The following MRTFB variants were observed in gnomAD, a reference collection of about 807,000 sequenced individuals.
MRTFB encodes the protein myocardin-related transcription factor B.
A neutral mutation model predicts 104.2 loss-of-function variants in MRTFB; 29 were observed. The observed-to-expected ratio is 0.28, with a 90% CI of 0.21 to 0.38. The LOEUF (loss-of-function observed/expected upper bound fraction) is 0.38. Ranked by LOEUF, MRTFB falls within the 10% of genes least tolerant of loss-of-function variation. MRTFB has a pLI of 1.00. For missense variants in MRTFB, 1,270 were observed against 1,341.6 expected, an observed-to-expected ratio of 0.95 and a Z score of 0.83; for synonymous variants, 535 against 519.5, an observed-to-expected ratio of 1.03 and a Z score of -0.41.
chr16:14,033,251 A>T, the MRTFB span, among the ~76,000 whole-genome samples: 2 of 151,426 alleles, frequency 1.3e-5, no homozygotes, highest in Non-Finnish European at 2.9e-5. Context: ...ATTTAAAATT[A>T]AAAAAAAACA....
the MRTFB span, among the ~76,000 whole-genome samples, chr16:14,029,316 G>T: frequency 6.7e-6 from 1 of 149,136 alleles, no homozygotes; most frequent in Non-Finnish European, 1.5e-5. Flanking sequence ...TTAAAAATAT[G>T]TAAATATTGA....
chr16:14,112,520 TA>T (rs765867438), intron 2 of MRTFB, among the ~76,000 whole-genome samples: 3 of 152,220 alleles, frequency 2.0e-5, no homozygotes, highest in Non-Finnish European at 4.4e-5. Context: ...CACCACCACT[TA>T]AAAGGGCTGC....
intron 3 of MRTFB, chr16:14,200,100 C>T: frequency 1.7e-6 from 1 of 576,134 alleles, no homozygotes; most frequent in East Asian, 3.1e-5. Flanking sequence ...GTGACCTTAT[C>T]AAAGTTTTAA....
intron 3 of MRTFB, among the ~76,000 whole-genome samples, chr16:14,189,787 C>G (rs965425115): frequency 2.0e-5 from 3 of 152,120 alleles, no homozygotes; most frequent in Non-Finnish European, 2.9e-5. Flanking sequence ...ATGTCTGATA[C>G]GTGTCCACTC....
At position 14,212,363 on chromosome 16, in the gene MRTFB, G is replaced by C. The variant is rs1476449121; in HGVS notation, c.230G>C (p.Ser77Thr). The change falls in exon 5 of 17, where the codon AGC (serine) becomes ACC (threonine). Residue 77 changes from serine to threonine, a missense_variant. Coordinates refer to ENST00000571589, the MANE Select transcript of MRTFB (RefSeq NM_001308142.2). ...ATTTCTTTTCTCACAGCTTTGAAGA[G>C]CCCAGCGGCATTCCATGAACAGATA... ...VDQGIMPPLK[S>T]PAAFHEQIKS... 6.2e-7 allele frequency: 1 copy of C among 1,613,772 alleles called. No individual in the cohort carries two copies. Among genetic ancestry groups the C allele is most frequent in the African/African-American group, 1.3e-5 (1 of 74,882 alleles).
At chr16:14,066,648 G>A (rs1272548363), upstream of MRTFB, among the ~76,000 whole-genome samples, 1 of 150,186 alleles carries the variant, frequency 6.7e-6, no homozygotes, top group Middle Eastern at 3.4e-3. Flanking sequence ...AAACCTTTAG[G>A]GGTGTGCATA....
intron 2 of MRTFB, among the ~76,000 whole-genome samples, chr16:14,100,990 C>T (rs559087451): frequency 6.6e-6 from 1 of 152,094 alleles, no homozygotes; most frequent in South Asian, 2.1e-4. Flanking sequence ...TTTTATTTAC[C>T]TTCTCAAAGA....
intron 3 of MRTFB, chr16:14,143,140 A>G (rs1235103537): frequency 1.4e-5 from 2 of 147,124 alleles, no homozygotes; most frequent in African/African-American, 2.5e-5. Context: ...TAACATGTGC[A>G]TGATTTGGCA....
chr16:14,017,572 A>T, the MRTFB span, among the ~76,000 whole-genome samples: 37,523 of 110,118 alleles, frequency 0.34, 7,877 homozygotes, highest in Admixed American at 0.44. Context: ...CTTGCAACGA[A>T]AAGAGAACTG....
the MRTFB span, among the ~76,000 whole-genome samples, chr16:14,052,245 A>G: frequency 6.6e-6 from 1 of 152,196 alleles, no homozygotes; most frequent in South Asian, 2.1e-4. Flanking sequence ...GGTGGTATAG[A>G]CAAGGATTGA....
chr16:14,097,730 T>C (rs1156935889), intron 2 of MRTFB, among the ~76,000 whole-genome samples: 1 of 152,214 alleles, frequency 6.6e-6, no homozygotes, highest in Non-Finnish European at 1.5e-5. Flanking sequence ...TAATCCTTCC[T>C]GCATGCTCCT....
intron 8 of MRTFB, 133 bp from the exon 9 acceptor site, chr16:14,234,013 A>G: frequency 1.8e-6 from 2 of 1,088,690 alleles, no homozygotes; most frequent in South Asian, 3.1e-5. Flanking sequence ...CTGGCCTCAG[A>G]CATAATCATA....
At chr16:14,162,488 T>G (rs2039079518) in intron 3 of MRTFB, among the ~76,000 whole-genome samples, 1 of 152,208 alleles carries the variant, frequency 6.6e-6, no homozygotes, top group Non-Finnish European at 1.5e-5. Context: ...ACCCAAATGC[T>G]CATCTGCAGT....
In MRTFB at chr16:14,240,464, C is replaced by A. The variant is rs764702004; in HGVS notation, c.1059C>A (p.Thr353=). ...AGAAGCAGCACTACAACTACCAGACCATCCTGCCTGCACCATTCAAGTACG... is the reference window on the plus strand; with the variant it reads ...AGAAGCAGCACTACAACTACCAGACAATCCTGCCTGCACCATTCAAGTACG... The part of the protein sequence containing the change: ...SQQKQHYNYQ[T]ILPAPFKPLN... Residue 353 remains threonine (T), a synonymous_variant, in exon 10 of 17, where the codon ACC becomes ACA. Transcript: ENST00000571589. The A allele has an allele frequency of 2.5e-6, 4 of 1,614,230 alleles. No individual in the cohort carries two copies. Among genetic ancestry groups the A allele is most frequent in the Non-Finnish European group, 3.4e-6 (4 of 1,180,036 alleles).
In MRTFB at chr16:14,177,412, C is replaced by G. The variant is rs975899285; in HGVS notation, c.155-32831C>G. ...TGGACCAACCTGAGGTCTAGGCTAA[C>G]CCATTACTCCCTGTTGAGTGTTTTG... On this transcript the variant is annotated intron_variant, in intron 3 of 16. Transcript: ENST00000571589. This position sits in a 1 kb window ranked among gnomAD's most constrained non-coding sequence, Gnocchi z 4.7. 1.3e-5 allele frequency among the ~76,000 whole-genome samples: 2 copies of G among 152,164 alleles called. No homozygotes were observed. The highest frequency in any genetic ancestry group is 4.8e-5 in the African/African-American group (2 of 41,434).
intron 8 of MRTFB, among the ~76,000 whole-genome samples, chr16:14,220,581 A>G (rs780078767): frequency 8.5e-5 from 13 of 152,262 alleles, no homozygotes; most frequent in Non-Finnish European, 1.9e-4. Flanking sequence ...CAGTGAGCTG[A>G]CATTCCAGAA....
At chr16:14,096,006 T>A (rs2035343123) in intron 2 of MRTFB, among the ~76,000 whole-genome samples, 1 of 152,184 alleles carries the variant, frequency 6.6e-6, no homozygotes, top group South Asian at 2.1e-4. Flanking sequence ...GTTAGTACAG[T>A]TGTTCTTTTG....
At chr16:14,158,059 C>T (rs2038891410) in intron 3 of MRTFB, among the ~76,000 whole-genome samples, 1 of 152,126 alleles carries the variant, frequency 6.6e-6, no homozygotes, top group South Asian at 2.1e-4. Flanking sequence ...ATAGTTCCCC[C>T]ACTTTTGCTT....
chr16:14,050,278 G>C, the MRTFB span, among the ~76,000 whole-genome samples: 1 of 152,134 alleles, frequency 6.6e-6, no homozygotes, highest in Non-Finnish European at 1.5e-5. Context: ...CTGTAGTCTT[G>C]AATTTTTGTA....
Sources: allele counts gnomAD v4.1 joint callset (sites outside exome capture counted in the v4.1 genomes callset), GRCh38; gene constraint gnomAD v4.1.1; non-coding constraint Gnocchi (gnomAD v3.1); transcripts MANE v1.5; gene names NCBI Gene and HGNC (gene_info 2026-07-23, HGNC 2026-07-21).